The following NCAM1 variants were observed in gnomAD, a reference collection of about 807,000 sequenced individuals.
NCAM1 encodes antigen recognized by monoclonal antibody 5.1H11.
Under a neutral mutation model 109.8 loss-of-function variants are expected in NCAM1, and 14 were observed. That is an observed-to-expected ratio of 0.13 (90% CI 0.08 to 0.20). NCAM1 has a LOEUF of 0.20. NCAM1 is among the 10% of genes least tolerant of loss of function. NCAM1 has a pLI of 1.00. For synonymous variants in NCAM1, 418 were observed against 442.9 expected, an observed-to-expected ratio of 0.94 and a Z score of 0.70; for missense variants, 774 against 1,109.9, an observed-to-expected ratio of 0.70 and a Z score of 4.30.
chr11:113,277,638 A>G lies in NCAM1; in HGVS notation c.*2251A>G, dbSNP rs1946423597. 5.1e-6 allele frequency: 2 copies of G among 388,912 alleles called. No homozygotes were observed. The highest frequency in any genetic ancestry group is 4.1e-5 in the African/African-American group (2 of 48,386). The allele number at this position is 388,912 out of a possible 1,614,324, so 24.1% of individuals were successfully genotyped here. A position where few individuals can be genotyped will look rare whatever the true frequency, so the allele number is the denominator to read the frequency against. ...GCCAAGCCCATGCCATACCTTGTCA[A>G]GACTGTCAAAGTGGTTGTGGTTAGG... On this transcript the variant is annotated 3_prime_UTR_variant, in exon 20 of 20. Coordinates refer to ENST00000316851, the MANE Select transcript of NCAM1 (RefSeq NM_181351.5).
In NCAM1 at chr11:113,185,079, T is replaced by TATATATATATATATAGAGAGAGAGAG; in HGVS notation, c.53-17299_53-17298insTATATATATATATAGAGAGAGAGAGA. Among the ~76,000 whole-genome samples, 69 of 125,720 alleles carry TATATATATATATATAGAGAGAGAGAG rather than the reference T, an allele frequency of 5.5e-4. 1 individual carries two copies. Among genetic ancestry groups the TATATATATATATATAGAGAGAGAGAG allele is most frequent in the Non-Finnish European group, 7.7e-4 (47 of 61,046 alleles). 82.5% of individuals were successfully genotyped at this position (125,720 alleles called of 152,430 possible). A position where few individuals can be genotyped will look rare whatever the true frequency, so the allele number is the denominator to read the frequency against. ...GTGTGCATTTATATTTATATATATA[T>TATATATATATATATAGAGAGAGAGAG]AGAGAGAGAGAGAGAGAGAGAGAGA... On this transcript the variant is annotated intron_variant, in intron 1 of 19. Coordinates refer to ENST00000316851, the MANE Select transcript of NCAM1 (RefSeq NM_181351.5).
In NCAM1 at chr11:113,246,356, G is replaced by A. The variant is rs374498369; in HGVS notation, c.1826-12G>A. ...GCATGGTGCTGATGATGTCGTCCAC[G>A]CTGGTGAACAGAAGGTAAAACTCTT... On this transcript the variant is annotated splice_polypyrimidine_tract_variant and intron_variant, in intron 14 of 19. Coordinates refer to ENST00000316851, the MANE Select transcript of NCAM1 (RefSeq NM_181351.5). 1.6e-5 allele frequency: 12 copies of A among 741,904 alleles called. No homozygotes were observed. Among genetic ancestry groups the A allele is most frequent in the Admixed American group, 1.8e-5 (1 of 55,568 alleles). 46.0% of individuals were successfully genotyped at this position (741,904 alleles called of 1,614,324 possible). A position where few individuals can be genotyped will look rare whatever the true frequency, so the allele number is the denominator to read the frequency against.
chr11:113,227,883 AC>A (rs1300722981), intron 9 of NCAM1, among the ~76,000 whole-genome samples: 18 of 152,140 alleles, frequency 1.2e-4, no homozygotes, highest in South Asian at 4.2e-4. Flanking sequence ...AAATCCAACA[AC>A]CCTTCATGCT....
chr11:113,157,987 G>A (rs1020827766), intron 1 of NCAM1, among the ~76,000 whole-genome samples: 6 of 152,074 alleles, frequency 3.9e-5, no homozygotes, highest in Non-Finnish European at 5.9e-5. Context: ...CATTTGACAA[G>A]CAGAAGTTCA....
At chr11:113,117,896 C>A (rs1940780201) in intron 1 of NCAM1, among the ~76,000 whole-genome samples, 1 of 151,994 alleles carries the variant, frequency 6.6e-6, no homozygotes, top group South Asian at 2.1e-4. Flanking sequence ...TTTAAATACA[C>A]AAATTATTAC....
chr11:113,262,393 C>T (rs1946033853), intron 17 of NCAM1, among the ~76,000 whole-genome samples: 1 of 152,218 alleles, frequency 6.6e-6, no homozygotes, highest in Non-Finnish European at 1.5e-5. Flanking sequence ...CTGGCTGTAT[C>T]TAAGAGGCTT....
chr11:113,188,676 C>T (rs1432125658), intron 1 of NCAM1, among the ~76,000 whole-genome samples: 2 of 152,160 alleles, frequency 1.3e-5, no homozygotes, highest in Non-Finnish European at 2.9e-5. Context: ...AAGAAAATTT[C>T]AGTGACTGGT....
At chr11:113,267,607 A>G (rs1390766976) in intron 17 of NCAM1, among the ~76,000 whole-genome samples, 1 of 152,186 alleles carries the variant, frequency 6.6e-6, no homozygotes, top group Admixed American at 6.5e-5. Flanking sequence ...TCACGCCATG[A>G]GGCCCAACAG....
intron 1 of NCAM1, among the ~76,000 whole-genome samples, chr11:112,987,073 TA>T (rs1375093791): frequency 6.6e-6 from 1 of 152,158 alleles, no homozygotes; most frequent in Non-Finnish European, 1.5e-5. Context: ...CTGCATCCTA[TA>T]AGATTTGGTA....
intron 1 of NCAM1, among the ~76,000 whole-genome samples, chr11:113,124,713 C>T (rs1249540012): frequency 6.6e-6 from 1 of 152,106 alleles, no homozygotes; most frequent in Admixed American, 6.5e-5. Context: ...TATAATACGT[C>T]AAGGAAAAAA....
At chr11:113,165,449 G>T (rs564475522) in intron 1 of NCAM1, among the ~76,000 whole-genome samples, 2 of 152,216 alleles carry the variant, frequency 1.3e-5, no homozygotes, top group South Asian at 4.2e-4. Flanking sequence ...CTTACAAGCA[G>T]AGAATGGGAA....
intron 1 of NCAM1, among the ~76,000 whole-genome samples, chr11:113,126,581 C>T (rs963999499): frequency 7.2e-5 from 11 of 152,212 alleles, no homozygotes; most frequent in Admixed American, 2.6e-4. Flanking sequence ...TATATCATTA[C>T]AGTTCATTTT....
At chr11:112,986,964 G>C (rs1951322463) in intron 1 of NCAM1, among the ~76,000 whole-genome samples, 1 of 151,572 alleles carries the variant, frequency 6.6e-6, no homozygotes, top group Non-Finnish European at 1.5e-5. Flanking sequence ...TAATTTTTAA[G>C]TTCTTTGAGG....
chr11:112,994,979 G>A (rs1032402346), intron 1 of NCAM1, among the ~76,000 whole-genome samples: 2 of 152,036 alleles, frequency 1.3e-5, no homozygotes, highest in African/African-American at 4.8e-5. Context: ...AAAGTTTGAG[G>A]GACTCAGTTG....
intron 1 of NCAM1, among the ~76,000 whole-genome samples, chr11:113,094,798 T>A (rs1404148781): frequency 6.6e-6 from 1 of 152,234 alleles, no homozygotes; most frequent in Non-Finnish European, 1.5e-5. Flanking sequence ...TTGTTGTTGT[T>A]GTTGACTGTC....
At chr11:113,107,020 C>T (rs1234400858) in intron 1 of NCAM1, among the ~76,000 whole-genome samples, 2 of 152,170 alleles carry the variant, frequency 1.3e-5, no homozygotes, top group African/African-American at 4.8e-5. Context: ...ACAATATTTG[C>T]AACTTTCAAT....
chr11:113,131,132 G>A (rs1941366938), intron 1 of NCAM1, among the ~76,000 whole-genome samples: 1 of 152,120 alleles, frequency 6.6e-6, no homozygotes, highest in Non-Finnish European at 1.5e-5. Flanking sequence ...AGACCTTGTG[G>A]TCTGATCCAA....
intron 9 of NCAM1, chr11:113,221,682 A>C: frequency 4.7e-6 from 1 of 210,766 alleles, no homozygotes. Flanking sequence ...GTGGCTCTGG[A>C]CCATAAAGTC....
intron 1 of NCAM1, among the ~76,000 whole-genome samples, chr11:113,194,449 G>A (rs1943791272): frequency 6.6e-6 from 1 of 152,098 alleles, no homozygotes; most frequent in African/African-American, 2.4e-5. Flanking sequence ...TTTTGTGTAT[G>A]ACTCAATACC....
Sources: gnomAD v4.1 joint callset for allele counts (sites outside exome capture counted in the v4.1 genomes callset) on GRCh38, gnomAD v4.1.1 for gene constraint, MANE v1.5 for transcripts, NCBI Gene and HGNC (gene_info 2026-07-23, HGNC 2026-07-21) for gene names.